TMPRSS15: variants seen among roughly 807,000 people sequenced by gnomAD.
The protein encoded by TMPRSS15 is transmembrane serine protease 15, also known as enteropeptidase.
In TMPRSS15, 128 loss-of-function variants were observed where a neutral mutation model predicts 125.3. The observed-to-expected ratio is 1.02, with a 90% CI of 0.89 to 1.18. The LOEUF (loss-of-function observed/expected upper bound fraction) is 1.18. TMPRSS15 is among the 50% of genes most tolerant of loss of function. The pLI is 0.00. For missense variants in TMPRSS15, 1,283 were observed against 1,212.7 expected (o/e 1.06, Z -0.86); for synonymous variants, 446 against 423.2 (o/e 1.05, Z -0.66).
chr21:18,445,150 G>GTATA (rs141702054), intron 1 of TMPRSS15, among the ~76,000 whole-genome samples: 5 of 148,724 alleles, frequency 3.4e-5, no homozygotes, highest in African/African-American at 1.2e-4. Context: ...GTACTCCATT[G>GTATA]TATATATATA....
chr21:18,383,618 C>T lies in TMPRSS15; in HGVS notation c.496+9G>A, dbSNP rs2075913549. ...TGATTCAAAGAAATCAAATAATGTT[C>T]ACACATACCTAGGATATCAACGCTG... On this transcript the variant is annotated intron_variant, in intron 4 of 24. Transcript: ENST00000284885. The T allele has an allele frequency of 6.2e-7, 1 of 1,612,914 alleles. No individual in the cohort carries two copies. The highest frequency in any genetic ancestry group is 1.3e-5 in the African/African-American group (1 of 74,896).
intron 3 of TMPRSS15, among the ~76,000 whole-genome samples, chr21:18,390,574 C>A (rs540862741): frequency 6.6e-6 from 1 of 152,180 alleles, no homozygotes; most frequent in South Asian, 2.1e-4. Context: ...AGGAGATAGA[C>A]AAATCAACAA....
At chr21:18,310,102 C>T (rs1341050651) in intron 18 of TMPRSS15, among the ~76,000 whole-genome samples, 1 of 151,986 alleles carries the variant, frequency 6.6e-6, no homozygotes, top group Non-Finnish European at 1.5e-5. Flanking sequence ...CCATAGTTAA[C>T]AATATATTAA....
At chr21:18,376,913 GTATATGA>G (rs1348671673) in intron 5 of TMPRSS15, among the ~76,000 whole-genome samples, 1 of 152,120 alleles carries the variant, frequency 6.6e-6, no homozygotes, top group African/African-American at 2.4e-5. Context: ...CTAATATCAG[GTATATGA>G]TGCATGCATC....
At chr21:18,358,829 T>C (rs759019663) in intron 8 of TMPRSS15, among the ~76,000 whole-genome samples, 3 of 152,104 alleles carry the variant, frequency 2.0e-5, no homozygotes, top group Non-Finnish European at 2.9e-5. Flanking sequence ...TGAGATATTA[T>C]TAGCATATGC....
chr21:18,301,141 T>C (rs1053056422), intron 18 of TMPRSS15, among the ~76,000 whole-genome samples: 1 of 152,156 alleles, frequency 6.6e-6, no homozygotes, highest in African/African-American at 2.4e-5. Context: ...TTGTACTAAA[T>C]ATTGTTACCA....
At position 18,269,802 on chromosome 21, in the gene TMPRSS15, T is replaced by C. The variant is rs571071295; in HGVS notation, c.*167A>G. The C allele has an allele frequency of 7.2e-6, 5 of 697,754 alleles. No homozygotes were observed. The African/African-American group carries it at 9.0e-5, about 13-fold the overall frequency. The allele number at this position is 697,754 out of a possible 1,614,324, so 43.2% of individuals were successfully genotyped here. A position where few individuals can be genotyped will look rare whatever the true frequency, so the allele number is the denominator to read the frequency against. On this transcript the variant is annotated 3_prime_UTR_variant, in exon 25 of 25. Transcript: ENST00000284885. ...TCTGTATTGCTATGGTGAATTTTAT[T>C]ATTTTTAAAATTTTGTTTCCCTGGC...
chr21:18,311,554 T>C (rs149480851), intron 18 of TMPRSS15, among the ~76,000 whole-genome samples: 1,683 of 152,192 alleles, frequency 0.011, 37 homozygotes, highest in African/African-American at 0.039. Flanking sequence ...CTCACCCCTG[T>C]TATAATAGCT....
intron 1 of TMPRSS15, among the ~76,000 whole-genome samples, chr21:18,461,974 T>C (rs2122910704): frequency 0.029 from 4,360 of 152,226 alleles, 126 homozygotes; most frequent in African/African-American, 0.081. Flanking sequence ...AAGTTTTTCA[T>C]CACTTGTGAG....
chr21:18,459,021 A>G (rs1316547875), intron 1 of TMPRSS15, among the ~76,000 whole-genome samples: 1 of 152,156 alleles, frequency 6.6e-6, no homozygotes, highest in East Asian at 1.9e-4. Context: ...ATAGTCTAGC[A>G]TTTACGTTTA....
chr21:18,348,095 G>A (rs2075527956), intron 10 of TMPRSS15, among the ~76,000 whole-genome samples: 3 of 152,138 alleles, frequency 2.0e-5, no homozygotes, highest in Admixed American at 1.3e-4. Context: ...TGAGGTGGGA[G>A]TATCTCTTGA....
At chr21:18,322,581 T>A (rs1048508795) in intron 16 of TMPRSS15, among the ~76,000 whole-genome samples, 1 of 152,118 alleles carries the variant, frequency 6.6e-6, no homozygotes, top group Non-Finnish European at 1.5e-5. Flanking sequence ...TGCAACAACA[T>A]GGAGGAAACT....
upstream of TMPRSS15, among the ~76,000 whole-genome samples, chr21:18,405,540 C>G (rs903300128): frequency 3.3e-5 from 5 of 152,232 alleles, no homozygotes; most frequent in Admixed American, 6.5e-5. Context: ...AGTGTTGTAT[C>G]AGTCCCAGCA....
intron 1 of TMPRSS15, among the ~76,000 whole-genome samples, chr21:18,481,552 A>C (rs1978982043): frequency 6.6e-6 from 1 of 151,770 alleles, no homozygotes. Flanking sequence ...CTTTGTACAC[A>C]AATTATTAAT....
intron 16 of TMPRSS15, among the ~76,000 whole-genome samples, chr21:18,319,396 A>G (rs2075209634): frequency 7.0e-6 from 1 of 142,412 alleles, no homozygotes; most frequent in Non-Finnish European, 1.5e-5. Context: ...AAAAACAGTA[A>G]CAGTAAAAAA....
intron 6 of TMPRSS15, 119 bp downstream of exon 6, chr21:18,372,074 T>C: frequency 1.3e-6 from 1 of 794,188 alleles, no homozygotes; most frequent in Non-Finnish European, 1.9e-6. Context: ...CATTCTTCAG[T>C]AGTTTCAGGT....
rs187768881 is a variant in TMPRSS15 at position 18,293,689 on chromosome 21, G to A, written c.2486+581C>T. Reference sequence around the variant, plus strand: ...AAATGTCAAAATTCAACATTATCTTGTCCTATTATAGTATAAAACAGAGTC... The same window carrying A: ...AAATGTCAAAATTCAACATTATCTTATCCTATTATAGTATAAAACAGAGTC... On this transcript the variant is annotated intron_variant, in intron 21 of 24. Coordinates refer to ENST00000284885, the MANE Select transcript of TMPRSS15 (RefSeq NM_002772.3). Among the ~76,000 whole-genome samples the A allele has an allele frequency of 1.1e-4, 16 of 152,190 alleles. No individual in the cohort carries two copies. The East Asian group carries it at 3.1e-3, about 29-fold the overall frequency.
chr21:18,338,359 T>C (rs1280277333), intron 13 of TMPRSS15, among the ~76,000 whole-genome samples: 2 of 152,126 alleles, frequency 1.3e-5, no homozygotes, highest in East Asian at 1.9e-4. Context: ...AAATCTATCA[T>C]GTTAAATGAT....
At chr21:18,280,904 C>A in intron 22 of TMPRSS15, 136 bp downstream of exon 22, 1 of 941,776 alleles carries the variant, frequency 1.1e-6, no homozygotes, top group Non-Finnish European at 1.7e-6. Context: ...TCCCTAATCC[C>A]ATTTAAGTTC....
Sources: gnomAD v4.1 joint callset for allele counts (sites outside exome capture counted in the v4.1 genomes callset) on GRCh38, gnomAD v4.1.1 for gene constraint, MANE v1.5 for transcripts, NCBI Gene and HGNC (gene_info 2026-07-23, HGNC 2026-07-21) for gene names.